Variants in GOLM1 observed in about 807,000 individuals in gnomAD.
GOLM1 encodes the protein golgi membrane protein 1.
In GOLM1, 31 loss-of-function variants were observed where a neutral mutation model predicts 50.5. That is an observed-to-expected ratio of 0.61 (90% CI 0.46 to 0.83). GOLM1 has a LOEUF of 0.83. GOLM1 is among the 40% of genes least tolerant of loss of function. The pLI, the probability that GOLM1 is intolerant of heterozygous loss-of-function variation, is 0.00. For synonymous variants in GOLM1, 178 were observed against 192.8 expected (o/e 0.92, Z 0.64); for missense variants, 491 against 501.3 (o/e 0.98, Z 0.20).
At chr9:86,059,005 T>A (rs1241868613) in intron 3 of GOLM1, among the ~76,000 whole-genome samples, 6 of 151,150 alleles carry the variant, frequency 4.0e-5, no homozygotes. Context: ...CTCAAAAAAA[T>A]AAATAAATAA....
At chr9:86,039,092 ACAATT>A (rs976901085) in intron 6 of GOLM1, among the ~76,000 whole-genome samples, 15 of 152,222 alleles carry the variant, frequency 9.9e-5, no homozygotes, top group Non-Finnish European at 1.8e-4. Flanking sequence ...AAAAACTCTT[ACAATT>A]CAATAATAAA....
chr9:86,064,157 G>A (rs1834241228), intron 3 of GOLM1, among the ~76,000 whole-genome samples: 1 of 152,320 alleles, frequency 6.6e-6, no homozygotes, highest in Middle Eastern at 3.4e-3. Flanking sequence ...TGAATGGCAT[G>A]TTTGCTGCTT....
At chr9:86,030,218 CAAAAAAA>C (rs35215928) in intron 9 of GOLM1, among the ~76,000 whole-genome samples, 1 of 73,438 alleles carries the variant, frequency 1.4e-5, no homozygotes, top group Non-Finnish European at 2.5e-5. Context: ...GACTCTGTCT[CAAAAAAA>C]AAAAAAAAAA....
intron 1 of GOLM1, among the ~76,000 whole-genome samples, chr9:86,090,988 A>C (rs1307319359): frequency 6.6e-6 from 1 of 152,010 alleles, no homozygotes; most frequent in African/African-American, 2.4e-5. Flanking sequence ...ACAGTCCCTC[A>C]TAGTTTCCCT....
At chr9:86,098,960 G>C (rs1170463440) in intron 1 of GOLM1, among the ~76,000 whole-genome samples, 1 of 152,218 alleles carries the variant, frequency 6.6e-6, no homozygotes, top group Non-Finnish European at 1.5e-5. Context: ...GAGGCGGCGG[G>C]AGCCGAGAGA....
intron 3 of GOLM1, 124 bp downstream of exon 3, chr9:86,077,288 G>T: frequency 1.3e-6 from 1 of 769,900 alleles, no homozygotes; most frequent in Admixed American, 2.2e-5. Context: ...TGATCAATAG[G>T]CTCTTTCCAC....
At chr9:86,066,589 T>C (rs937258114) in intron 3 of GOLM1, among the ~76,000 whole-genome samples, 2 of 152,208 alleles carry the variant, frequency 1.3e-5, no homozygotes, top group African/African-American at 4.8e-5. Context: ...ACCTCTGCAA[T>C]ATTAATGCAC....
At chr9:86,081,633 T>C (rs1671562648) in intron 1 of GOLM1, among the ~76,000 whole-genome samples, 2 of 152,004 alleles carry the variant, frequency 1.3e-5, no homozygotes, top group South Asian at 4.2e-4. Flanking sequence ...CTCATGCCTG[T>C]AATCCCAGCA....
intron 3 of GOLM1, among the ~76,000 whole-genome samples, chr9:86,056,645 A>G (rs1477978608): frequency 6.6e-6 from 1 of 151,790 alleles, no homozygotes; most frequent in East Asian, 1.9e-4. Context: ...AGCTGGGACT[A>G]CAGGCGCCCG....
chr9:86,027,180 A>ATGAC lies in GOLM1; in HGVS notation c.*633_*636dup, dbSNP rs1486490314. 1.3e-5 allele frequency: 13 copies of ATGAC among 984,806 alleles called. No individual in the cohort carries two copies. The highest frequency in any genetic ancestry group is 3.5e-5 in the African/African-American group (2 of 57,242). The allele number at this position is 984,806 out of a possible 1,614,324, so 61.0% of individuals were successfully genotyped here. On this transcript the variant is annotated 3_prime_UTR_variant, in exon 10 of 10. Transcript: ENST00000388712. ...CTTAATAGCGTTTTGTACATTAAAA[A>ATGAC]TGACAAGGGTTATTATACAAGTAGC...
chr9:86,070,092 C>T (rs1834404848), intron 3 of GOLM1, among the ~76,000 whole-genome samples: 1 of 151,812 alleles, frequency 6.6e-6, no homozygotes. Context: ...ACCATGTTGG[C>T]GAGGCTGGTC....
chr9:86,029,241 T>C (rs1272670165), intron 9 of GOLM1, among the ~76,000 whole-genome samples: 1 of 152,222 alleles, frequency 6.6e-6, no homozygotes, highest in South Asian at 2.1e-4. Flanking sequence ...GATTCCATAC[T>C]TGTTTGTAAC....
At chr9:86,028,407 A>G (rs958702576) in intron 9 of GOLM1, among the ~76,000 whole-genome samples, 1 of 152,236 alleles carries the variant, frequency 6.6e-6, no homozygotes, top group African/African-American at 2.4e-5. Flanking sequence ...GCTGCTGAGC[A>G]GCCAGACTCC....
At chr9:86,049,297 C>T (rs985266568) in intron 4 of GOLM1, among the ~76,000 whole-genome samples, 3 of 152,100 alleles carry the variant, frequency 2.0e-5, no homozygotes, top group African/African-American at 4.8e-5. Flanking sequence ...TTTGAGGTCA[C>T]GTAGCGTAAT....
At chr9:86,058,976 T>G (rs1311472169) in intron 3 of GOLM1, among the ~76,000 whole-genome samples, 4 of 151,780 alleles carry the variant, frequency 2.6e-5, no homozygotes, top group Non-Finnish European at 5.9e-5. Flanking sequence ...CCAGCCTGGG[T>G]GATAGAGTGA....
intron 3 of GOLM1, among the ~76,000 whole-genome samples, chr9:86,054,882 A>G (rs1833941431): frequency 6.6e-6 from 1 of 152,198 alleles, no homozygotes; most frequent in African/African-American, 2.4e-5. Context: ...CAATGCAAAC[A>G]TTTCTTACTG....
At chr9:86,038,313 G>A (rs942704867) in intron 6 of GOLM1, among the ~76,000 whole-genome samples, 14 of 152,146 alleles carry the variant, frequency 9.2e-5, no homozygotes, top group African/African-American at 3.4e-4. Flanking sequence ...TGTGCTTCCA[G>A]CAGTGTGGCG....
chr9:86,028,098 A>G (rs1832842714), intron 9 of GOLM1, among the ~76,000 whole-genome samples: 3 of 152,000 alleles, frequency 2.0e-5, no homozygotes, highest in Non-Finnish European at 4.4e-5. Context: ...TGCTGGGTAG[A>G]GAAGGGCAGG....
At chr9:86,034,906 T>C in intron 8 of GOLM1, 1 of 653,436 alleles carries the variant, frequency 1.5e-6, no homozygotes, top group Non-Finnish European at 1.9e-6. Context: ...AAAGGAGTGA[T>C]TCACATGTCA....
Sources: allele counts gnomAD v4.1 joint callset (sites outside exome capture counted in the v4.1 genomes callset), GRCh38; gene constraint gnomAD v4.1.1; transcripts MANE v1.5; gene names NCBI Gene and HGNC (gene_info 2026-07-23, HGNC 2026-07-21).